Variants in COL28A1 observed in about 807,000 individuals in gnomAD.
COL28A1 encodes the protein collagen type XXVIII alpha 1 chain, also known as collagen alpha-1(XXVIII) chain.
A neutral mutation model predicts 150.2 loss-of-function variants in COL28A1; 161 were observed. The observed-to-expected ratio is 1.07, with a 90% CI of 0.94 to 1.22. The LOEUF (loss-of-function observed/expected upper bound fraction) is 1.22, where lower values mean the gene tolerates loss of function less well. Ranked by LOEUF, COL28A1 falls within the 50% of genes most tolerant of loss-of-function variation. The probability of loss-of-function intolerance (pLI) is 0.00; values close to 1 mark genes in which losing one functional copy is unlikely to be tolerated. For synonymous variants in COL28A1, 552 were observed against 469.7 expected, an observed-to-expected ratio of 1.18 and a Z score of -2.26; for missense variants, 1,617 against 1,388.3, an observed-to-expected ratio of 1.16 and a Z score of -2.62.
chr7:7,449,598 T>C (rs1168263409), intron 18 of COL28A1, among the ~76,000 whole-genome samples: 1 of 151,850 alleles, frequency 6.6e-6, no homozygotes, highest in African/African-American at 2.4e-5. Context: ...GACAGTATGA[T>C]TGTGTACATA....
Position 7,428,302 on chromosome 7 carries a change from C to T in COL28A1, c.1998+4171G>A, listed in dbSNP as rs187767314. Among the ~76,000 whole-genome samples the T allele has an allele frequency of 3.3e-4, 50 of 152,218 alleles. 2 individuals carry two copies. The highest frequency in any genetic ancestry group is 5.9e-4 in the Non-Finnish European group (40 of 68,010). On this transcript the variant is annotated intron_variant, in intron 25 of 34. Transcript: ENST00000399429. Reference sequence around the variant, plus strand: ...GTTCAACCACTCCAAGGCTTTGGAGCGGGTCATAGCTTTTTCTGTGATGAT... The same window carrying T: ...GTTCAACCACTCCAAGGCTTTGGAGTGGGTCATAGCTTTTTCTGTGATGAT...
intron 13 of COL28A1, among the ~76,000 whole-genome samples, chr7:7,482,668 G>T (rs1779403726): frequency 6.6e-6 from 1 of 151,830 alleles, no homozygotes; most frequent in Non-Finnish European, 1.5e-5. Context: ...TTATGACTTG[G>T]AAAGCAAGCA....
intron 27 of COL28A1, among the ~76,000 whole-genome samples, chr7:7,401,436 A>G (rs1440142906): frequency 6.6e-6 from 1 of 152,132 alleles, no homozygotes; most frequent in African/African-American, 2.4e-5. Flanking sequence ...GGTCCATTTA[A>G]AGATTTAGCT....
At chr7:7,399,658 G>T (rs896718006) in intron 27 of COL28A1, among the ~76,000 whole-genome samples, 1 of 152,104 alleles carries the variant, frequency 6.6e-6, no homozygotes, top group Admixed American at 6.5e-5. Context: ...ATAAAATAGG[G>T]ATACATGGAA....
At chr7:7,420,423 C>T (rs56943618) in intron 25 of COL28A1, 1,769 of 152,488 alleles carry the variant, frequency 0.012, 47 homozygotes, top group African/African-American at 0.041. Flanking sequence ...GGCATGACAG[C>T]TTCATAGCTG....
chr7:7,525,116 A>C (rs1033533322), intron 3 of COL28A1, among the ~76,000 whole-genome samples: 2 of 152,194 alleles, frequency 1.3e-5, no homozygotes, highest in Non-Finnish European at 1.5e-5. Context: ...AAAAACAAAA[A>C]AACAAATTTA....
intron 18 of COL28A1, among the ~76,000 whole-genome samples, chr7:7,445,555 C>G (rs1347319567): frequency 6.6e-6 from 1 of 152,120 alleles, no homozygotes; most frequent in African/African-American, 2.4e-5. Flanking sequence ...CAAATTTGTG[C>G]CCTAACAACA....
chr7:7,524,895 T>C (rs1781935154), intron 3 of COL28A1, among the ~76,000 whole-genome samples: 1 of 152,182 alleles, frequency 6.6e-6, no homozygotes, highest in South Asian at 2.1e-4. Context: ...TGATACTTTA[T>C]TTACAGAATT....
chr7:7,434,315 A>G (rs1228646109), intron 23 of COL28A1, among the ~76,000 whole-genome samples: 1 of 152,176 alleles, frequency 6.6e-6, no homozygotes, highest in Non-Finnish European at 1.5e-5. Flanking sequence ...TATTCCAACT[A>G]TGGGGAACTG....
chr7:7,486,999 A>G (rs891595581), intron 13 of COL28A1, among the ~76,000 whole-genome samples: 2 of 152,166 alleles, frequency 1.3e-5, no homozygotes, highest in Admixed American at 6.6e-5. Flanking sequence ...TGTCTGAAAA[A>G]GATAGGGAGA....
intron 26 of COL28A1, 105 bp from the exon 27 acceptor site, chr7:7,418,032 A>G (rs1223352658): frequency 8.1e-6 from 7 of 865,252 alleles, no homozygotes; most frequent in Admixed American, 5.5e-5. Flanking sequence ...CAGTCTGACC[A>G]GGACTTTCAT....
intron 27 of COL28A1, among the ~76,000 whole-genome samples, chr7:7,393,658 G>A (rs891028265): frequency 1.3e-5 from 2 of 152,196 alleles, no homozygotes; most frequent in African/African-American, 4.8e-5. Flanking sequence ...GACCAGAGAG[G>A]ACGAATCTAG....
intron 27 of COL28A1, among the ~76,000 whole-genome samples, chr7:7,387,715 T>G (rs1782271866): frequency 6.6e-6 from 1 of 152,162 alleles, no homozygotes; most frequent in Non-Finnish European, 1.5e-5. Context: ...AAGTCTGAAA[T>G]TATTTCAAAA....
chr7:7,378,121 G>A (rs760709000), intron 30 of COL28A1, among the ~76,000 whole-genome samples: 4 of 152,074 alleles, frequency 2.6e-5, no homozygotes, highest in Admixed American at 1.3e-4. Flanking sequence ...AAGATCTGGC[G>A]CTTGGGAGAA....
intron 27 of COL28A1, among the ~76,000 whole-genome samples, chr7:7,388,803 T>C (rs1477917452): frequency 6.6e-6 from 1 of 152,228 alleles, no homozygotes; most frequent in Non-Finnish European, 1.5e-5. Context: ...ATATGTCTTC[T>C]TTTGAGAAGT....
At chr7:7,492,515 G>T (rs1301137218) in intron 11 of COL28A1, among the ~76,000 whole-genome samples, 1 of 150,264 alleles carries the variant, frequency 6.7e-6, no homozygotes, top group Non-Finnish European at 1.5e-5. Context: ...AACCTGGGAG[G>T]TAGAGGTTGC....
chr7:7,396,780 G>A (rs1337513639), intron 27 of COL28A1, among the ~76,000 whole-genome samples: 2 of 152,168 alleles, frequency 1.3e-5, no homozygotes, highest in African/African-American at 2.4e-5. Context: ...TTCAAATGGT[G>A]ATCTAGTTCC....
chr7:7,362,365 G>A (rs781224806), intron 33 of COL28A1, among the ~76,000 whole-genome samples: 17 of 152,078 alleles, frequency 1.1e-4, no homozygotes, highest in Non-Finnish European at 1.3e-4. Flanking sequence ...TTGTTTGTTT[G>A]CATTTTTATT....
intron 11 of COL28A1, among the ~76,000 whole-genome samples, chr7:7,499,389 T>C (rs1780397080): frequency 6.6e-6 from 1 of 152,186 alleles, no homozygotes; most frequent in Admixed American, 6.5e-5. Flanking sequence ...TTTGGACAAC[T>C]AGAAAAGCTG....
Sources: allele counts gnomAD v4.1 joint callset (sites outside exome capture counted in the v4.1 genomes callset), GRCh38; gene constraint gnomAD v4.1.1; transcripts MANE v1.5; gene names NCBI Gene and HGNC (gene_info 2026-07-23, HGNC 2026-07-21).